The following RARS1 variants were observed in gnomAD, a reference collection of about 807,000 sequenced individuals.
RARS1 encodes arginine--tRNA ligase, cytoplasmic.
Under a neutral mutation model 78.7 loss-of-function variants are expected in RARS1, and 75 were observed. That is an observed-to-expected ratio of 0.95 (90% CI 0.79 to 1.15). RARS1 has a LOEUF of 1.15. RARS1 is among the 50% of genes most tolerant of loss of function. The pLI, the probability that RARS1 is intolerant of heterozygous loss-of-function variation, is 0.00. For synonymous variants in RARS1, 273 were observed against 268.2 expected (o/e 1.02, Z -0.18); for missense variants, 787 against 787.5 (o/e 1.00, Z 0.01).
intron 12 of RARS1, among the ~76,000 whole-genome samples, chr5:168,514,772 A>G (rs1758630602): frequency 6.6e-6 from 1 of 152,234 alleles, no homozygotes; most frequent in South Asian, 2.1e-4. Context: ...GATCCAGTCC[A>G]GGATAACATG....
intron 13 of RARS1, among the ~76,000 whole-genome samples, chr5:168,517,339 C>T (rs1042726094): frequency 7.9e-5 from 12 of 152,130 alleles, no homozygotes; most frequent in Non-Finnish European, 1.5e-4. Context: ...GACGGGGTTT[C>T]ACCATGTTGG....
intron 12 of RARS1, among the ~76,000 whole-genome samples, chr5:168,511,950 G>A (rs1047419737): frequency 7.2e-5 from 11 of 152,008 alleles, no homozygotes; most frequent in Admixed American, 2.6e-4. Flanking sequence ...ACCGCATCTC[G>A]ACCTCCTGGG....
intron 12 of RARS1, among the ~76,000 whole-genome samples, chr5:168,513,321 CTCTT>C (rs1239673964): frequency 6.6e-6 from 1 of 150,862 alleles, no homozygotes; most frequent in African/African-American, 2.4e-5. Flanking sequence ...CGTGCCCGGC[CTCTT>C]TCTTTCTTTC....
chr5:168,495,270 T>C, intron 5 of RARS1, 45 bp from the exon 6 acceptor site: 11 of 1,583,854 alleles, frequency 6.9e-6, no homozygotes, highest in Non-Finnish European at 8.6e-6. Context: ...TCTCTCTTTA[T>C]GTTTATGCCC....
Position 168,511,197 on chromosome 5 carries a change from T to A in RARS1, c.1452+511T>A, listed in dbSNP as rs201607358. Among the ~76,000 whole-genome samples, 7 of 130,502 alleles carry A rather than the reference T, an allele frequency of 5.4e-5. No individual in the cohort carries two copies. In the East Asian group the frequency reaches 1.3e-3, roughly 24 times the overall value. 85.6% of individuals were successfully genotyped at this position (130,502 alleles called of 152,430 possible). A position where few individuals can be genotyped will look rare whatever the true frequency, so the allele number is the denominator to read the frequency against. The stretch of plus-strand genomic sequence containing the variant: ...GAATTGAAAAGTCAACAAGAAAAAT[T>A]TTTTTTTTTTTTTTTTAAGTTTAGA... On this transcript the variant is annotated intron_variant, in intron 12 of 14. Coordinates refer to ENST00000231572, the MANE Select transcript of RARS1 (RefSeq NM_002887.4).
In RARS1 at chr5:168,500,648, G is replaced by A; in HGVS notation, c.880G>A (p.Val294Ile). 1 of 1,610,528 alleles carries A rather than the reference G, an allele frequency of 6.2e-7. No homozygotes were observed. The highest frequency in any genetic ancestry group is 8.5e-7 in the Non-Finnish European group (1 of 1,178,896). The change falls in exon 8 of 15, where the codon GTA (valine) becomes ATA (isoleucine). Residue 294 changes from valine to isoleucine, a missense_variant. Physicochemically the swap from Val to Ile is conservative, Grantham distance 29. Coordinates refer to ENST00000231572, the MANE Select transcript of RARS1 (RefSeq NM_002887.4). ...ATTTAAGAAGCGAGCATATCAGTGTGTAGTTCTGCTCCAGGGTAAAAACCC... is the reference window on the plus strand; with the variant it reads ...ATTTAAGAAGCGAGCATATCAGTGTATAGTTCTGCTCCAGGGTAAAAACCC... ...EEFKKRAYQC[V>I]VLLQGKNPDI...
At chr5:168,506,693 T>A in intron 10 of RARS1, 29 bp from the exon 11 acceptor site, 1 of 1,493,840 alleles carries the variant, frequency 6.7e-7, no homozygotes, top group Non-Finnish European at 9.2e-7. Flanking sequence ...TAAAGAAGAC[T>A]AGCAAGTAAC....
intron 7 of RARS1, 44 bp downstream of exon 7, chr5:168,497,392 A>G (rs1279734251): frequency 1.4e-6 from 2 of 1,390,536 alleles, no homozygotes; most frequent in South Asian, 3.4e-5. Context: ...TTTACCATTA[A>G]TCATAATTAT....
At chr5:168,499,338 C>G (rs1286614275) in intron 7 of RARS1, among the ~76,000 whole-genome samples, 1 of 151,990 alleles carries the variant, frequency 6.6e-6, no homozygotes, top group Non-Finnish European at 1.5e-5. Context: ...AAAAAATTCC[C>G]TATGGTGGAA....
chr5:168,517,489 G>C (rs532049220), intron 13 of RARS1, among the ~76,000 whole-genome samples: 4 of 152,210 alleles, frequency 2.6e-5, no homozygotes, highest in African/African-American at 7.2e-5. Flanking sequence ...AGCATCTTTG[G>C]AAATACGTCC....
rs758743847 is a variant in RARS1 at position 168,494,012 on chromosome 5, A to C, written c.478+10A>C. ...GAAATTGCTGGTCCTGGTATGACATAATGTTATCCTTCTTAATAGTTGTAT... is the reference window on the plus strand; with the variant it reads ...GAAATTGCTGGTCCTGGTATGACATCATGTTATCCTTCTTAATAGTTGTAT... On this transcript the variant is annotated intron_variant, in intron 4 of 14. Coordinates refer to ENST00000231572, the MANE Select transcript of RARS1 (RefSeq NM_002887.4). The C allele has an allele frequency of 6.4e-7, 1 of 1,571,316 alleles. No homozygotes were observed. The highest frequency in any genetic ancestry group is 2.2e-5 in the East Asian group (1 of 44,638).
intron 12 of RARS1, among the ~76,000 whole-genome samples, chr5:168,514,868 C>G (rs1167399365): frequency 6.6e-6 from 1 of 152,210 alleles, no homozygotes; most frequent in African/African-American, 2.4e-5. Flanking sequence ...CTCAACACTT[C>G]TGAAGTCTGC....
At chr5:168,504,438 G>A (rs1489918333) in intron 9 of RARS1, among the ~76,000 whole-genome samples, 2 of 151,250 alleles carry the variant, frequency 1.3e-5, no homozygotes, top group African/African-American at 2.4e-5. Context: ...CAGAGGAGTC[G>A]CTTGAACCCG....
Sources: allele counts gnomAD v4.1 joint callset (sites outside exome capture counted in the v4.1 genomes callset), GRCh38; gene constraint gnomAD v4.1.1; transcripts MANE v1.5; gene names NCBI Gene and HGNC (gene_info 2026-07-23, HGNC 2026-07-21).